The following TAB2 variants were observed in gnomAD, a reference collection of about 807,000 sequenced individuals.
TAB2 encodes the protein TGF-beta-activated kinase 1 and MAP3K7-binding protein 2.
TAB2 carries 3 observed loss-of-function variants against 65.0 expected under a neutral mutation model. That is an observed-to-expected ratio of 0.05 (90% CI 0.02 to 0.12). TAB2 has a LOEUF of 0.12. TAB2 is among the 10% of genes least tolerant of loss of function. The pLI is 1.00. For missense variants in TAB2, 623 were observed against 840.3 expected (o/e 0.74, Z 3.20); for synonymous variants, 298 against 285.1 (o/e 1.05, Z -0.46).
At chr6:149,332,501 G>A (rs934386057) in intron 1 of TAB2, among the ~76,000 whole-genome samples, 1 of 152,066 alleles carries the variant, frequency 6.6e-6, no homozygotes, top group Non-Finnish European at 1.5e-5. Flanking sequence ...ATTTGGGGAT[G>A]GATATTTAAT....
intron 1 of TAB2, among the ~76,000 whole-genome samples, chr6:149,229,709 ACT>A (rs2114631280): frequency 6.6e-6 from 1 of 151,756 alleles, no homozygotes; most frequent in South Asian, 2.1e-4. Flanking sequence ...TCTCTCCTGT[ACT>A]CTCTCTGGGT....
chr6:149,343,869 G>A (rs1342391736), intron 1 of TAB2, among the ~76,000 whole-genome samples: 3 of 152,152 alleles, frequency 2.0e-5, no homozygotes, highest in African/African-American at 2.4e-5. Context: ...TACTAAATGG[G>A]TAGATAATCA....
At chr6:149,264,506 C>G (rs943476549) in intron 1 of TAB2, among the ~76,000 whole-genome samples, 4 of 152,008 alleles carry the variant, frequency 2.6e-5, no homozygotes, top group African/African-American at 9.7e-5. Flanking sequence ...GCTGGGGCAC[C>G]TGTAAAATGT....
chr6:149,303,712 C>G (rs145432679), intron 1 of TAB2, among the ~76,000 whole-genome samples: 1 of 152,240 alleles, frequency 6.6e-6, no homozygotes, highest in African/African-American at 2.4e-5. Flanking sequence ...TTTATTTGTA[C>G]CTAACTTTGC....
At chr6:149,340,881 G>A (rs1358391869) in intron 1 of TAB2, among the ~76,000 whole-genome samples, 1 of 152,032 alleles carries the variant, frequency 6.6e-6, no homozygotes, top group African/African-American at 2.4e-5. Flanking sequence ...ATTCCTTGTG[G>A]CTTGTGATAC....
At chr6:149,306,572 AAC>A (rs1432135453) in intron 1 of TAB2, among the ~76,000 whole-genome samples, 190 of 141,858 alleles carry the variant, frequency 1.3e-3, no homozygotes, top group Middle Eastern at 3.5e-3. Flanking sequence ...AAAAAAAAAA[AAC>A]AAAAAACAAA....
chr6:149,316,448 T>C (rs548681280), upstream of TAB2, among the ~76,000 whole-genome samples: 1 of 152,336 alleles, frequency 6.6e-6, no homozygotes, highest in East Asian at 1.9e-4. Context: ...AATAAAAGTA[T>C]AAAAATGGTC....
chr6:149,403,025 G>A (rs543020223), intron 6 of TAB2, among the ~76,000 whole-genome samples: 2 of 151,624 alleles, frequency 1.3e-5, no homozygotes, highest in South Asian at 2.1e-4. Context: ...ACCTAAGGTC[G>A]GGAGTTTGAG....
chr6:149,319,488 G>T (rs1184183472), intron 1 of TAB2, among the ~76,000 whole-genome samples: 1 of 152,186 alleles, frequency 6.6e-6, no homozygotes, highest in Non-Finnish European at 1.5e-5. Context: ...TTAGATACAT[G>T]AGCTATAGGC....
intron 3 of TAB2, among the ~76,000 whole-genome samples, chr6:149,381,881 T>C (rs1460500733): frequency 6.6e-6 from 1 of 152,120 alleles, no homozygotes; most frequent in East Asian, 1.9e-4. Flanking sequence ...CTGTGACTTC[T>C]TACTTCCCCC....
rs2114636647 is a variant in TAB2 at position 149,235,286 on chromosome 6, T to C, written c.-121+16510T>C. Among the ~76,000 whole-genome samples, 2 of 152,312 alleles carry C rather than the reference T, an allele frequency of 1.3e-5. 1 individual carries two copies. The highest frequency in any genetic ancestry group is 4.1e-4 in the South Asian group (2 of 4,828). On this transcript the variant is annotated intron_variant, in intron 1 of 1. Coordinates refer to the TAB2 transcript ENST00000606202. ...AGGGACCTTGAGAAACTGGGCCCTGTGCCAAGGAAAACAGAATTTTGAAGG... is the reference window on the plus strand; with the variant it reads ...AGGGACCTTGAGAAACTGGGCCCTGCGCCAAGGAAAACAGAATTTTGAAGG...
intron 1 of TAB2, among the ~76,000 whole-genome samples, chr6:149,273,199 G>A (rs980847359): frequency 6.6e-6 from 1 of 152,154 alleles, no homozygotes; most frequent in African/African-American, 2.4e-5. Context: ...AGCCCAAAAT[G>A]CCAAGGCTAA....
chr6:149,285,409 T>A (rs1175606204), intron 1 of TAB2, among the ~76,000 whole-genome samples: 1 of 152,182 alleles, frequency 6.6e-6, no homozygotes, highest in African/African-American at 2.4e-5. Flanking sequence ...GGGAGTGGTC[T>A]CCCATATCAT....
chr6:149,352,897 C>G (rs1257583349), intron 1 of TAB2, among the ~76,000 whole-genome samples: 5 of 152,200 alleles, frequency 3.3e-5, no homozygotes, highest in African/African-American at 1.2e-4. Context: ...GAAACACACC[C>G]TTTTCCTGAT....
chr6:149,368,330 T>C (rs1781105588), intron 1 of TAB2, among the ~76,000 whole-genome samples: 1 of 152,110 alleles, frequency 6.6e-6, no homozygotes, highest in African/African-American at 2.4e-5. Context: ...TAAAAGTGTA[T>C]AGTGGCTTTG....
At chr6:149,333,018 T>G (rs1351076629) in intron 1 of TAB2, among the ~76,000 whole-genome samples, 1 of 152,244 alleles carries the variant, frequency 6.6e-6, no homozygotes, top group Non-Finnish European at 1.5e-5. Flanking sequence ...TTGCCATGTG[T>G]ATTATAATTA....
intron 1 of TAB2, among the ~76,000 whole-genome samples, chr6:149,355,700 G>A (rs775890813): frequency 6.2e-4 from 93 of 150,586 alleles, no homozygotes; most frequent in African/African-American, 2.0e-3. Context: ...TTAAACTTAC[G>A]TTGAATTACT....
At chr6:149,359,458 A>G (rs767422309) in intron 1 of TAB2, among the ~76,000 whole-genome samples, 42 of 152,262 alleles carry the variant, frequency 2.8e-4, no homozygotes, top group Middle Eastern at 3.4e-3. Context: ...TCATGGCTCT[A>G]GTGAATTTCA....
At chr6:149,239,229 G>A (rs890287300) in intron 1 of TAB2, among the ~76,000 whole-genome samples, 3 of 152,208 alleles carry the variant, frequency 2.0e-5, no homozygotes, top group South Asian at 2.1e-4. Flanking sequence ...TCATATGATC[G>A]CTTGATAGAC....
Sources: allele counts gnomAD v4.1 joint callset (sites outside exome capture counted in the v4.1 genomes callset), GRCh38; gene constraint gnomAD v4.1.1; transcripts MANE v1.5; gene names NCBI Gene and HGNC (gene_info 2026-07-23, HGNC 2026-07-21).